Variants in ZBTB49 observed in about 807,000 individuals in gnomAD.
ZBTB49 encodes zinc finger and BTB domain containing 49.
Under a neutral mutation model 57.5 loss-of-function variants are expected in ZBTB49, and 43 were observed. The observed-to-expected ratio is 0.75, with a 90% CI of 0.59 to 0.97. The LOEUF (loss-of-function observed/expected upper bound fraction) is 0.97. Among genes scored for constraint, ZBTB49 ranks in the 50% least tolerant of loss-of-function variants. The pLI is 0.00. For missense variants in ZBTB49, 938 were observed against 947.7 expected (o/e 0.99, Z 0.13); for synonymous variants, 369 against 362.1 (o/e 1.02, Z -0.22).
At chr4:4,309,743 T>C (rs1187127870) in intron 4 of ZBTB49, among the ~76,000 whole-genome samples, 1 of 152,176 alleles carries the variant, frequency 6.6e-6, no homozygotes, top group Non-Finnish European at 1.5e-5. Context: ...GTGTCAGCCA[T>C]CCATGGTGGA....
intron 1 of ZBTB49, among the ~76,000 whole-genome samples, chr4:4,299,474 T>A (rs906654812): frequency 1.3e-5 from 2 of 152,242 alleles, no homozygotes; most frequent in African/African-American, 4.8e-5. Flanking sequence ...ACCAGCTGGC[T>A]TTTCTTTCAC....
chr4:4,316,064 G>A (rs1721184328), intron 7 of ZBTB49, 94 bp downstream of exon 7: 1 of 1,488,174 alleles, frequency 6.7e-7, no homozygotes, highest in South Asian at 1.3e-5. Context: ...TCTGGGATGA[G>A]CCCTTTGTTT....
At chr4:4,291,696 C>T (rs554393525) in intron 1 of ZBTB49, among the ~76,000 whole-genome samples, 1 of 152,160 alleles carries the variant, frequency 6.6e-6, no homozygotes, top group African/African-American at 2.4e-5. Context: ...GTTTGTTTGT[C>T]CTCCTGAATA....
intron 7 of ZBTB49, among the ~76,000 whole-genome samples, chr4:4,317,971 T>C (rs1217669782): frequency 6.6e-6 from 1 of 152,236 alleles, no homozygotes; most frequent in Non-Finnish European, 1.5e-5. Context: ...CCTCCCCTGC[T>C]GATTGAGAGC....
At chr4:4,304,965 A>G (rs188693644) in intron 3 of ZBTB49, among the ~76,000 whole-genome samples, 1,139 of 152,168 alleles carry the variant, frequency 7.5e-3, no homozygotes, top group Non-Finnish European at 0.011. Flanking sequence ...CCTGAGGCCA[A>G]AAAGTCTGAG....
chr4:4,301,768 T>C (rs1489540832), intron 2 of ZBTB49, among the ~76,000 whole-genome samples: 1 of 152,156 alleles, frequency 6.6e-6, no homozygotes, highest in Non-Finnish European at 1.5e-5. Context: ...CTTTGAGATA[T>C]ATTTTGAAGT....
At chr4:4,307,808 G>C (rs1186643396) in intron 4 of ZBTB49, among the ~76,000 whole-genome samples, 1 of 152,136 alleles carries the variant, frequency 6.6e-6, no homozygotes, top group Non-Finnish European at 1.5e-5. Flanking sequence ...TCTTAAAATA[G>C]GGATAATACT....
intron 2 of ZBTB49, among the ~76,000 whole-genome samples, chr4:4,300,861 A>G (rs1046747954): frequency 2.0e-5 from 3 of 152,072 alleles, no homozygotes; most frequent in Non-Finnish European, 4.4e-5. Flanking sequence ...CTCTCTTTAA[A>G]TACAAAGTCT....
chr4:4,320,587 C>A (rs1490509090), intron 7 of ZBTB49, 53 bp from the exon 8 acceptor site: 5 of 1,603,014 alleles, frequency 3.1e-6, no homozygotes, highest in Non-Finnish European at 4.3e-6. Flanking sequence ...CCAGCCTGGG[C>A]CACATAGTGA....
At chr4:4,298,496 GA>G (rs1720323372) in intron 1 of ZBTB49, among the ~76,000 whole-genome samples, 5 of 151,748 alleles carry the variant, frequency 3.3e-5, no homozygotes, top group Admixed American at 3.3e-4. Flanking sequence ...GTGCCATCAT[GA>G]CTCACTACAG....
intron 3 of ZBTB49, among the ~76,000 whole-genome samples, chr4:4,303,770 G>GTCTCTC (rs1553805047): frequency 7.9e-5 from 2 of 25,264 alleles, no homozygotes; most frequent in Non-Finnish European, 2.5e-4. Flanking sequence ...CTGTGTGTGT[G>GTCTCTC]TCTCTCTCTC....
chr4:4,292,173 C>G (rs1719972812), intron 1 of ZBTB49, among the ~76,000 whole-genome samples: 1 of 151,892 alleles, frequency 6.6e-6, no homozygotes, highest in Non-Finnish European at 1.5e-5. Flanking sequence ...CCCAGCTACT[C>G]GGGAGGCTGA....
At position 4,315,806 on chromosome 4, in the gene ZBTB49, T is replaced by A; in HGVS notation, c.1460-3T>A. The stretch of plus-strand genomic sequence containing the variant: ...AGCTTAACACCTGTTATGGTCTCTC[T>A]AGGGTTTAGTAACTTCAGTAATTTG... On this transcript the variant is annotated splice_region_variant and splice_polypyrimidine_tract_variant and intron_variant, in intron 6 of 7. Transcript: ENST00000337872. The A allele has an allele frequency of 1.2e-6, 2 of 1,614,204 alleles. No individual in the cohort carries two copies. The highest frequency in any genetic ancestry group is 1.7e-6 in the Non-Finnish European group (2 of 1,180,032).
At position 4,302,914 on chromosome 4, in the gene ZBTB49, G is replaced by C. The variant is rs1284326321; in HGVS notation, c.1078G>C (p.Glu360Gln). 6.2e-7 allele frequency: 1 copy of C among 1,614,232 alleles called. No individual in the cohort carries two copies. Residue 360 changes from glutamate (E) to glutamine (Q), a missense_variant, in exon 3 of 8, where the codon GAA (glutamate) becomes CAA (glutamine). Around this residue, in one of 3 missense-constraint regions of ZBTB49, gnomAD observed 835 missense variants for 819.1 expected, o/e 1.02. Transcript: ENST00000337872. ...AAGTGCTGAAGAAAAAGAAAGTGAA[G>C]AAGTCGTCAGTTGTGAGAATTTTAA... is the stretch of plus-strand genomic sequence containing the variant. ...SQSAEEKESE[E>Q]VVSCENFNCI...
intron 1 of ZBTB49, among the ~76,000 whole-genome samples, chr4:4,299,194 G>T (rs1190207854): frequency 6.6e-6 from 1 of 151,940 alleles, no homozygotes. Flanking sequence ...GCAAGCTCCT[G>T]CCTCAGAGAC....
chr4:4,303,770 G>GTGTGTGTGTGTCTC (rs377326067), intron 3 of ZBTB49, among the ~76,000 whole-genome samples: 322 of 25,272 alleles, frequency 0.013, 1 homozygote, highest in Middle Eastern at 0.045. Flanking sequence ...CTGTGTGTGT[G>GTGTGTGTGTGTCTC]TCTCTCTCTC....
At chr4:4,311,025 C>G (rs969447727) in intron 4 of ZBTB49, among the ~76,000 whole-genome samples, 1 of 152,032 alleles carries the variant, frequency 6.6e-6, no homozygotes, top group Non-Finnish European at 1.5e-5. Flanking sequence ...ATGGCCCATT[C>G]CATTAGTTTT....
At chr4:4,291,821 C>T (rs1425027847) in intron 1 of ZBTB49, among the ~76,000 whole-genome samples, 4 of 152,224 alleles carry the variant, frequency 2.6e-5, no homozygotes, top group South Asian at 4.1e-4. Flanking sequence ...TTAATTTCTG[C>T]TTCCTCCATT....
rs1721162008 is a variant in ZBTB49 at position 4,315,667 on chromosome 4, A to G, written c.1408A>G (p.Ile470Val). 1.4e-5 allele frequency: 22 copies of G among 1,614,210 alleles called. No homozygotes were observed. The highest frequency in any genetic ancestry group is 1.9e-5 in the Non-Finnish European group (22 of 1,180,036). Residue 470 changes from isoleucine (I) to valine (V), a missense_variant, in exon 6 of 8, where the codon ATT becomes GTT. Transcript: ENST00000337872. ...FAASGDVQRHIIIHSGEKPHL... is the reference protein window; with the variant it reads ...FAASGDVQRHVIIHSGEKPHL... ...AGCCTCTGGCGACGTCCAGCGTCACATTATTATTCACTCAGGAGAAAAACC... is the reference window on the plus strand; with the variant it reads ...AGCCTCTGGCGACGTCCAGCGTCACGTTATTATTCACTCAGGAGAAAAACC...
Sources: allele counts gnomAD v4.1 joint callset (sites outside exome capture counted in the v4.1 genomes callset), GRCh38; gene constraint gnomAD v4.1.1; regional missense constraint gnomAD v4.1.1; transcripts MANE v1.5; gene names NCBI Gene and HGNC (gene_info 2026-07-23, HGNC 2026-07-21).